Variants in HTR2B observed in about 807,000 individuals in gnomAD.
HTR2B encodes 5-hydroxytryptamine receptor 2B.
Under a neutral mutation model 39.8 loss-of-function variants are expected in HTR2B, and 31 were observed. The ratio of observed to expected loss-of-function variants is 0.78; its 90% confidence interval spans 0.58 to 1.05. The LOEUF (loss-of-function observed/expected upper bound fraction) is 1.05. Among genes scored for constraint, HTR2B ranks in the 50% least tolerant of loss-of-function variants. The probability of loss-of-function intolerance (pLI) is 0.00; values close to 1 mark genes in which losing one functional copy is unlikely to be tolerated. For missense variants in HTR2B, 562 were observed against 578.0 expected (o/e 0.97, Z 0.28); for synonymous variants, 210 against 207.1 (o/e 1.01, Z -0.12).
At position 231,108,701 on chromosome 2, in the gene HTR2B, A is replaced by G. The variant is rs1457622366; in HGVS notation, c.1262T>C (p.Met421Thr). The G allele has an allele frequency of 6.2e-7, 1 of 1,614,128 alleles. No individual in the cohort carries two copies. Among genetic ancestry groups the G allele is most frequent in the African/African-American group, 1.3e-5 (1 of 75,040 alleles). The change falls in exon 4 of 4, where the codon ATG (methionine) becomes ACG (threonine). Residue 421 changes from methionine (M) to threonine (T), a missense_variant. By Grantham distance (81) the Met-to-Thr change is moderately conservative. Coordinates refer to ENST00000258400, the MANE Select transcript of HTR2B (RefSeq NM_000867.5). ...RSSKIYFRNP[M>T]AENSKFFKKH... is the part of the protein sequence containing the mutation. ...CTTGAAAAACTTAGAGTTCTCTGCC[A>G]TTGGATTCCGGAAGTAGATCTTACT... is the stretch of plus-strand genomic sequence containing the variant.
chr2:231,121,809 T>C (rs974818031), intron 2 of HTR2B, among the ~76,000 whole-genome samples: 1 of 152,210 alleles, frequency 6.6e-6, no homozygotes, highest in Non-Finnish European at 1.5e-5. Flanking sequence ...CATAATTCTT[T>C]CAATATCATG....
intron 2 of HTR2B, among the ~76,000 whole-genome samples, chr2:231,120,047 G>T (rs1042726212): frequency 8.6e-5 from 13 of 151,204 alleles, no homozygotes; most frequent in African/African-American, 3.2e-4. Context: ...TGTCTTCCGG[G>T]TTCAAGCTAT....
intron 3 of HTR2B, among the ~76,000 whole-genome samples, chr2:231,111,610 A>T (rs1481150580): frequency 1.3e-5 from 2 of 152,184 alleles, no homozygotes; most frequent in East Asian, 1.9e-4. Flanking sequence ...TTCAGAACTG[A>T]GCTTATTGTC....
rs1695027104 is a variant in HTR2B, at chr2:231,108,385, ATACT to A, written c.*128_*131del. 4 of 688,222 alleles carry A rather than the reference ATACT, an allele frequency of 5.8e-6. No homozygotes were observed. Among genetic ancestry groups the A allele is most frequent in the Admixed American group, 2.6e-5 (1 of 37,934 alleles). 42.6% of individuals were successfully genotyped at this position (688,222 alleles called of 1,614,324 possible). A position where few individuals can be genotyped will look rare whatever the true frequency, so the allele number is the denominator to read the frequency against. On this transcript the variant is annotated 3_prime_UTR_variant, in exon 4 of 4. Transcript: ENST00000258400. ...AAATTAGGAAAATTAGATATTCTTA[ATACT>A]TACATCTTAGGTTAAAGAGATGATT...
In HTR2B at chr2:231,108,945, A is replaced by T. The variant is rs1182132755; in HGVS notation, c.1018T>A (p.Phe340Ile). Reference sequence around the variant, plus strand: ...ACTAAAGTTATATTTGTAATAAAGAAGGGACACCACATAAGCAAAAAGAGG... The same window carrying T: ...ACTAAAGTTATATTTGTAATAAAGATGGGACACCACATAAGCAAAAAGAGG... ...FFLFLLMWCP[F>I]FITNITLVLC... Residue 340 changes from phenylalanine to isoleucine, a missense_variant, in exon 4 of 4, where the codon TTC becomes ATC. Transcript: ENST00000258400. The T allele has an allele frequency of 2.5e-6, 4 of 1,614,014 alleles. No individual in the cohort carries two copies. The highest frequency in any genetic ancestry group is 3.3e-5 in the Admixed American group (2 of 60,008).
intron 2 of HTR2B, among the ~76,000 whole-genome samples, chr2:231,123,129 A>G (rs1695603298): frequency 6.6e-6 from 1 of 152,202 alleles, no homozygotes; most frequent in African/African-American, 2.4e-5. Context: ...TAGATAATAT[A>G]TTCAGAATCT....
rs753079218 is a variant in HTR2B, at chr2:231,108,627, T to C, written c.1336A>G (p.Met446Val). 16 of 1,613,976 alleles carry C rather than the reference T, an allele frequency of 9.9e-6. No homozygotes were observed. The highest frequency in any genetic ancestry group is 2.2e-5 in the East Asian group (1 of 44,856). Residue 446 changes from methionine to valine, a missense_variant, in exon 4 of 4, where the codon ATG becomes GTG. Met to Val is a conservative substitution (Grantham distance 21). Transcript: ENST00000258400. ...TGAATGGTTGAACTTCGGAGCCTCA[T>C]TGGACTCTGGTACATGGCAGGGTTA... ...GINPAMYQSPMRLRSSTIQSS... is the reference protein window; with the variant it reads ...GINPAMYQSPVRLRSSTIQSS...
intron 2 of HTR2B, among the ~76,000 whole-genome samples, chr2:231,116,206 C>CT (rs1410519220): frequency 1.3e-5 from 2 of 152,068 alleles, no homozygotes; most frequent in East Asian, 3.9e-4. Context: ...AACTAACAGT[C>CT]TAAGTATAGT....
In HTR2B at chr2:231,122,440, A is replaced by T. The variant is rs540422686; in HGVS notation, c.352+973T>A. On this transcript the variant is annotated intron_variant, in intron 2 of 3. Coordinates refer to ENST00000258400, the MANE Select transcript of HTR2B (RefSeq NM_000867.5). ...TAACTTAAAATATTTTTATCTTCAT[A>T]TAAGTAAATATAATTCTAAGAAACT... 6.6e-5 allele frequency among the ~76,000 whole-genome samples: 10 copies of T among 152,252 alleles called. No individual in the cohort carries two copies. The South Asian group carries it at 1.7e-3, about 25-fold the overall frequency.
In HTR2B at chr2:231,108,834, G is replaced by T; in HGVS notation, c.1129C>A (p.Pro377Thr). The T allele has an allele frequency of 6.2e-7, 1 of 1,614,054 alleles. No individual in the cohort carries two copies. The highest frequency in any genetic ancestry group is 8.5e-7 in the Non-Finnish European group (1 of 1,179,984). ...TTATTGAAGAGGGTGTAGACCAAAG[G>T]ATTCACTCCTGAGGAAACATAGCCT... ...WIGYVSSGVN[P>T]LVYTLFNKTF... The change falls in exon 4 of 4, where the codon CCT becomes ACT. Residue 377 changes from proline (P) to threonine (T), a missense_variant. By Grantham distance (38) the Pro-to-Thr change is conservative (BLOSUM62 -1). Transcript: ENST00000258400.
chr2:231,116,312 A>G (rs565939462), intron 2 of HTR2B, among the ~76,000 whole-genome samples: 1 of 152,278 alleles, frequency 6.6e-6, no homozygotes, highest in African/African-American at 2.4e-5. Context: ...GTAGGGTGGT[A>G]GGAAAATACT....
chr2:231,109,304 A>G lies in HTR2B; in HGVS notation c.659T>C (p.Phe220Ser), dbSNP rs951925666. The change falls in exon 4 of 4, where the codon TTT becomes TCT. Residue 220 changes from phenylalanine to serine, a missense_variant. Phe to Ser is a radical substitution (Grantham distance 155). Transcript: ENST00000258400. ...TGTGAAGAAGGCAGCCAGTGAGCCA[A>G]AGAGCATGAAATCGCCAAAACGTTC... ...TKERFGDFML[F>S]GSLAAFFTPL... 1.9e-6 allele frequency: 3 copies of G among 1,614,154 alleles called. No individual in the cohort carries two copies. Among genetic ancestry groups the G allele is most frequent in the Non-Finnish European group, 2.5e-6 (3 of 1,180,002 alleles).
rs546201178 is a variant in HTR2B, at chr2:231,111,980, A to C, written c.553+1749T>G. ...TAAACACTCAATAAAAATGTGGTCA[A>C]TTTATAAATTGATGGTATCCAGCCT... On this transcript the variant is annotated intron_variant, in intron 3 of 3. Coordinates refer to ENST00000258400, the MANE Select transcript of HTR2B (RefSeq NM_000867.5). Among the ~76,000 whole-genome samples the C allele has an allele frequency of 3.9e-5, 6 of 152,342 alleles. No homozygotes were observed. In the South Asian group the frequency reaches 1.2e-3, roughly 32 times the overall value.
At chr2:231,115,630 T>A (rs1326372695) in intron 2 of HTR2B, among the ~76,000 whole-genome samples, 1 of 152,042 alleles carries the variant, frequency 6.6e-6, no homozygotes, top group Non-Finnish European at 1.5e-5. Context: ...AATTTTAGAT[T>A]TATTGAGCTG....
In HTR2B at chr2:231,108,617, C is replaced by T. The variant is rs759860581; in HGVS notation, c.1346G>A (p.Arg449Gln). 2.2e-5 allele frequency: 36 copies of T among 1,613,796 alleles called. No individual in the cohort carries two copies. The East Asian group carries it at 6.7e-4, about 30-fold the overall frequency. The part of the protein sequence containing the change: ...PAMYQSPMRL[R>Q]SSTIQSSSII... ...TGATGAAGACTGAATGGTTGAACTT[C>T]GGAGCCTCATTGGACTCTGGTACAT... Residue 449 changes from arginine to glutamine, a missense_variant, in exon 4 of 4, where the codon CGA becomes CAA. Physicochemically the swap from Arg to Gln is conservative, Grantham distance 43. Transcript: ENST00000258400.
chr2:231,115,157 G>T lies in HTR2B; in HGVS notation c.353-1228C>A, dbSNP rs1210638754. ...TTGTTAACTGTTTAAAATTTAAGGA[G>T]CCTGGGGGTGGAGAGAGATTAAAAT... On this transcript the variant is annotated intron_variant, in intron 2 of 3. Coordinates refer to ENST00000258400, the MANE Select transcript of HTR2B (RefSeq NM_000867.5). 2.6e-5 allele frequency among the ~76,000 whole-genome samples: 4 copies of T among 151,692 alleles called. No homozygotes were observed. In the East Asian group the frequency reaches 7.7e-4, roughly 29 times the overall value.
At chr2:231,117,907 G>A (rs961307113) in intron 2 of HTR2B, among the ~76,000 whole-genome samples, 2 of 152,086 alleles carry the variant, frequency 1.3e-5, no homozygotes, top group African/African-American at 4.8e-5. Context: ...AGTTACATGG[G>A]GTTATTTAAG....
At chr2:231,111,358 T>C (rs945157465) in intron 3 of HTR2B, among the ~76,000 whole-genome samples, 2 of 152,224 alleles carry the variant, frequency 1.3e-5, no homozygotes, top group African/African-American at 4.8e-5. Flanking sequence ...ATCTCAGTTT[T>C]CACATTCTAT....
rs1041482937 is a variant in HTR2B, at chr2:231,108,961, C to G, written c.1002G>C (p.Leu334Phe). Residue 334 changes from leucine (L) to phenylalanine (F), a missense_variant, in exon 4 of 4, where the codon TTG (leucine) becomes TTC (phenylalanine). Transcript: ENST00000258400. ...TAATAAAGAAGGGACACCACATAAG[C>G]AAAAAGAGGAAAAACACAATCCCTA... ...KVLGIVFFLFLLMWCPFFITN... is the reference protein window; with the variant it reads ...KVLGIVFFLFFLMWCPFFITN... The G allele has an allele frequency of 6.2e-7, 1 of 1,613,902 alleles. No individual in the cohort carries two copies. The highest frequency in any genetic ancestry group is 1.1e-5 in the South Asian group (1 of 91,082).
Sources: gnomAD v4.1 joint callset for allele counts (sites outside exome capture counted in the v4.1 genomes callset) on GRCh38, gnomAD v4.1.1 for gene constraint, MANE v1.5 for transcripts, NCBI Gene and HGNC (gene_info 2026-07-23, HGNC 2026-07-21) for gene names.